The following ANKS1B variants were observed in gnomAD, a reference collection of about 807,000 sequenced individuals.
ANKS1B encodes the protein ankyrin repeat and sterile alpha motif domain-containing protein 1B.
ANKS1B carries 36 observed loss-of-function variants against 148.3 expected under a neutral mutation model. That is an observed-to-expected ratio of 0.24 (90% CI 0.19 to 0.32). The LOEUF (loss-of-function observed/expected upper bound fraction) is 0.32, where lower values mean the gene tolerates loss of function less well. ANKS1B is among the 10% of genes least tolerant of loss of function. The pLI, the probability that ANKS1B is intolerant of heterozygous loss-of-function variation, is 1.00. For missense variants in ANKS1B, 1,157 were observed against 1,542.6 expected (o/e 0.75, Z 4.19); for synonymous variants, 542 against 560.8 (o/e 0.97, Z 0.47).
intron 22 of ANKS1B, among the ~76,000 whole-genome samples, chr12:98,790,480 G>T (rs2098838637): frequency 6.6e-6 from 1 of 151,814 alleles, no homozygotes; most frequent in African/African-American, 2.4e-5. Flanking sequence ...AGCTATTACT[G>T]CTTAAAAACA....
At chr12:98,773,259 G>A in intron 24 of ANKS1B, 80 bp from the exon 25 acceptor site, 3 of 1,482,434 alleles carry the variant, frequency 2.0e-6, no homozygotes, top group Non-Finnish European at 9.0e-7. Flanking sequence ...AACCCAGGAA[G>A]CAGTTGCTTT....
intron 4 of ANKS1B, among the ~76,000 whole-genome samples, chr12:99,804,052 T>C (rs2067294050): frequency 6.6e-6 from 1 of 152,200 alleles, no homozygotes; most frequent in Non-Finnish European, 1.5e-5. Flanking sequence ...TAAAATTGAA[T>C]TTAAACTCTT....
intron 15 of ANKS1B, among the ~76,000 whole-genome samples, chr12:99,151,115 A>G (rs1301284561): frequency 6.6e-6 from 1 of 152,214 alleles, no homozygotes; most frequent in Non-Finnish European, 1.5e-5. Flanking sequence ...TCAAAATGAA[A>G]TACACAAAGG....
intron 25 of ANKS1B, among the ~76,000 whole-genome samples, chr12:98,767,840 C>T (rs923219804): frequency 6.6e-6 from 1 of 152,228 alleles, no homozygotes; most frequent in African/African-American, 2.4e-5. Flanking sequence ...GGTTGTCTCT[C>T]TCTCTCACCT....
chr12:99,714,510 T>C (rs2057044926), intron 8 of ANKS1B, among the ~76,000 whole-genome samples: 1 of 152,200 alleles, frequency 6.6e-6, no homozygotes, highest in African/African-American at 2.4e-5. Context: ...GTGTCACATT[T>C]TGATAATTCT....
At chr12:98,965,823 G>C (rs1203918829) in intron 17 of ANKS1B, among the ~76,000 whole-genome samples, 1 of 152,206 alleles carries the variant, frequency 6.6e-6, no homozygotes. Context: ...AATAAATGGT[G>C]CTGGGAAAAC....
chr12:99,455,891 G>A (rs11109849), intron 10 of ANKS1B, among the ~76,000 whole-genome samples: 8 of 151,996 alleles, frequency 5.3e-5, no homozygotes, highest in Admixed American at 2.6e-4. Context: ...CCCCACCCAC[G>A]GCCTGATCCT....
chr12:99,894,289 A>AAGGAAGGGAGGGAGGG (rs1421411161), intron 1 of ANKS1B, among the ~76,000 whole-genome samples: 16 of 45,804 alleles, frequency 3.5e-4, no homozygotes, highest in Non-Finnish European at 4.1e-4. Context: ...GGAAGGAAGG[A>AAGGAAGGGAGGGAGGG]AGGGAGGGAG....
intron 1 of ANKS1B, among the ~76,000 whole-genome samples, chr12:99,843,739 C>G (rs879527019): frequency 1.4e-4 from 22 of 151,926 alleles, no homozygotes; most frequent in Non-Finnish European, 3.1e-4. Context: ...ATCTTTATAA[C>G]AGAATAATAT....
intron 12 of ANKS1B, among the ~76,000 whole-genome samples, chr12:99,284,846 C>T (rs1466527140): frequency 6.6e-6 from 1 of 152,100 alleles, no homozygotes; most frequent in African/African-American, 2.4e-5. Context: ...CATATTGAGT[C>T]ATTCTCTCCT....
chr12:98,953,203 T>C (rs2099856689), intron 17 of ANKS1B, among the ~76,000 whole-genome samples: 5 of 152,136 alleles, frequency 3.3e-5, no homozygotes. Flanking sequence ...GTATTTGTAG[T>C]AGAGATGGGG....
intron 17 of ANKS1B, among the ~76,000 whole-genome samples, chr12:98,870,796 A>T (rs2099660557): frequency 6.6e-6 from 1 of 152,242 alleles, no homozygotes; most frequent in Non-Finnish European, 1.5e-5. Context: ...CCAGGACGAC[A>T]AACCTTCTTT....
Position 99,246,478 on chromosome 12 carries a change from T to C in ANKS1B, c.2143A>G (p.Thr715Ala). Residue 715 changes from threonine to alanine, a missense_variant, in exon 13 of 27, where the codon ACT becomes GCT. Physicochemically the swap from Thr to Ala is moderately conservative, Grantham distance 58. Around this residue, in one of 6 missense-constraint regions of ANKS1B, gnomAD observed 661 missense variants for 642.1 expected, o/e 1.03. Transcript: ENST00000683438. Reference protein sequence around the residue: ...NAGGFVERACTLGRIRSLPKA... With the variant: ...NAGGFVERACALGRIRSLPKA... ...GGCAATGACCTTATTCTCCCCAGAG[T>C]ACAGGCTCTCTCCACAAATCCCCCT... 2 of 1,613,876 alleles carry C rather than the reference T, an allele frequency of 1.2e-6. No homozygotes were observed. Among genetic ancestry groups the C allele is most frequent in the Non-Finnish European group, 1.7e-6 (2 of 1,179,848 alleles).
At chr12:99,746,512 C>A (rs896585165) in intron 8 of ANKS1B, among the ~76,000 whole-genome samples, 2 of 152,136 alleles carry the variant, frequency 1.3e-5, no homozygotes, top group Non-Finnish European at 2.9e-5. Flanking sequence ...TTACATTACC[C>A]TGAATTTTTT....
At chr12:99,103,976 G>A (rs1221659021) in intron 15 of ANKS1B, among the ~76,000 whole-genome samples, 2 of 152,176 alleles carry the variant, frequency 1.3e-5, no homozygotes, top group Non-Finnish European at 2.9e-5. Flanking sequence ...TCTTCCAAGG[G>A]TGCCAATCCA....
At chr12:98,923,650 C>T (rs1289160663) in intron 17 of ANKS1B, among the ~76,000 whole-genome samples, 1 of 152,086 alleles carries the variant, frequency 6.6e-6, no homozygotes, top group East Asian at 1.9e-4. Flanking sequence ...ACTGATAAAC[C>T]AGCTAGTTGC....
intron 17 of ANKS1B, among the ~76,000 whole-genome samples, chr12:98,835,500 T>A (rs1443537684): frequency 1.3e-5 from 2 of 152,230 alleles, no homozygotes; most frequent in Non-Finnish European, 2.9e-5. Flanking sequence ...GATGAAGAGA[T>A]GTGGCTAACC....
intron 15 of ANKS1B, among the ~76,000 whole-genome samples, chr12:99,086,772 G>T (rs1174771332): frequency 6.6e-6 from 1 of 152,164 alleles, no homozygotes; most frequent in Non-Finnish European, 1.5e-5. Context: ...GTCTATAGAG[G>T]TTCAAGAATT....
In ANKS1B at chr12:99,045,964, A is replaced by T. The variant is rs141384999; in HGVS notation, c.2778+7193T>A. Among the ~76,000 whole-genome samples, 3 of 152,306 alleles carry T rather than the reference A, an allele frequency of 2.0e-5. No homozygotes were observed. The East Asian group carries it at 5.8e-4, about 29-fold the overall frequency. On this transcript the variant is annotated intron_variant, in intron 17 of 26. Transcript: ENST00000683438. The stretch of plus-strand genomic sequence containing the variant: ...GAGAGCAGGGAGTTCTGATCAGTAC[A>T]TGCATGTGAGGAAATGGTATAAAAT...
Sources: gnomAD v4.1 joint callset for allele counts (sites outside exome capture counted in the v4.1 genomes callset) on GRCh38, gnomAD v4.1.1 for gene constraint, gnomAD v4.1.1 regional missense constraint, MANE v1.5 for transcripts, NCBI Gene and HGNC (gene_info 2026-07-23, HGNC 2026-07-21) for gene names.